Variants in RMRP observed in about 807,000 individuals in gnomAD.
RMRP encodes the protein RNA component of mitochondrial RNA processing endoribonuclease, also known as RNase MRP RNA.
upstream of RMRP, chr9:35,658,017 C>CCACGTCCTCAG: frequency 1.4e-6 from 1 of 690,390 alleles, no homozygotes; most frequent in Non-Finnish European, 2.7e-6. Context: ...TCAGCACGAA[C>CCACGTCCTCAG]CACGTCCTCA....
chr9:35,657,995 G>C lies in RMRP; in HGVS notation n.23C>G, dbSNP rs1345823900. ...AACAGAGTCCTCAGTGTGTAGCCTAGGATACAGGCCTTCAGCACGAACCAC... is the reference window on the plus strand; with the variant it reads ...AACAGAGTCCTCAGTGTGTAGCCTACGATACAGGCCTTCAGCACGAACCAC... On this transcript the variant is annotated non_coding_transcript_exon_variant, in exon 1 of 1. Coordinates refer to ENST00000363046, the Ensembl canonical transcript of RMRP. 1.4e-6 allele frequency: 1 copy of C among 698,808 alleles called. No individual in the cohort carries two copies. 43.3% of individuals were successfully genotyped at this position (698,808 alleles called of 1,614,324 possible). A position where few individuals can be genotyped will look rare whatever the true frequency, so the allele number is the denominator to read the frequency against.
chr9:35,657,949 C>CG, exon 1 of RMRP: 1 of 700,438 alleles, frequency 1.4e-6, no homozygotes, highest in East Asian at 2.7e-5. Context: ...CGGGGACTTT[C>CG]CCCTAGGCGG....
At position 35,657,822 on chromosome 9, in the gene RMRP, T is replaced by A. The variant is rs773432147; in HGVS notation, n.196A>T. The A allele has an allele frequency of 1.6e-5, 11 of 692,774 alleles. No individual in the cohort carries two copies. Among genetic ancestry groups the A allele is most frequent in the Non-Finnish European group, 2.3e-5 (9 of 384,732 alleles). 42.9% of individuals were successfully genotyped at this position (692,774 alleles called of 1,614,324 possible). A position where few individuals can be genotyped will look rare whatever the true frequency, so the allele number is the denominator to read the frequency against. ...CACTGCCTGCGTAACTAGAGGGAGC[T>A]GACGGATGACGCCCCCGCGCCACGC... is the stretch of plus-strand genomic sequence containing the variant. On this transcript the variant is annotated non_coding_transcript_exon_variant, in exon 1 of 1. Transcript: ENST00000363046.
exon 1 of RMRP, chr9:35,657,947 T>G (rs1554651251): frequency 2.9e-6 from 2 of 700,316 alleles, no homozygotes; most frequent in Admixed American, 2.0e-5. Context: ...TCCGGGGACT[T>G]TCCCCTAGGC....
rs936059863 is a variant in RMRP at position 35,657,800 on chromosome 9, T to C, written n.218A>G. ...GTGTGGTTGGTGCGCGGACACGCACTGCCTGCGTAACTAGAGGGAGCTGAC... is the reference window on the plus strand; with the variant it reads ...GTGTGGTTGGTGCGCGGACACGCACCGCCTGCGTAACTAGAGGGAGCTGAC... On this transcript the variant is annotated non_coding_transcript_exon_variant, in exon 1 of 1. Coordinates refer to ENST00000363046, the Ensembl canonical transcript of RMRP. The C allele has an allele frequency of 5.1e-5, 36 of 699,954 alleles. No individual in the cohort carries two copies. The East Asian group carries it at 7.5e-4, about 15-fold the overall frequency. The allele number at this position is 699,954 out of a possible 1,614,324, so 43.4% of individuals were successfully genotyped here. A position where few individuals can be genotyped will look rare whatever the true frequency, so the allele number is the denominator to read the frequency against.
chr9:35,658,018 C>CACGTCCTCAGCTTCACAGAGTT (rs1554651397), upstream of RMRP: 2 of 690,120 alleles, frequency 2.9e-6, no homozygotes, highest in Non-Finnish European at 5.3e-6. Flanking sequence ...CAGCACGAAC[C>CACGTCCTCAGCTTCACAGAGTT]ACGTCCTCAG....
rs1435244601 is a variant in RMRP, at chr9:35,657,759, G to C, written n.259C>G. The C allele has an allele frequency of 1.3e-5, 9 of 687,310 alleles. No homozygotes were observed. The highest frequency in any genetic ancestry group is 5.3e-5 in the African/African-American group (3 of 56,966). The allele number at this position is 687,310 out of a possible 1,614,324, so 42.6% of individuals were successfully genotyped here. A position where few individuals can be genotyped will look rare whatever the true frequency, so the allele number is the denominator to read the frequency against. On this transcript the variant is annotated non_coding_transcript_exon_variant, in exon 1 of 1. Transcript: ENST00000363046. ...GGTCTCGGGAACAAAAAACAGCCGCGCTGAGAATGAGCCCCGTGTGGTTGG... is the reference window on the plus strand; with the variant it reads ...GGTCTCGGGAACAAAAAACAGCCGCCCTGAGAATGAGCCCCGTGTGGTTGG...
exon 1 of RMRP, chr9:35,657,809 A>AACTAG: frequency 1.4e-6 from 1 of 692,560 alleles, no homozygotes; most frequent in African/African-American, 2.0e-5. Context: ...CTGCCTGCGT[A>AACTAG]ACTAGAGGGA....
exon 1 of RMRP, chr9:35,658,016 A>C: frequency 2.9e-6 from 2 of 690,356 alleles, no homozygotes; most frequent in South Asian, 3.0e-5. Context: ...TTCAGCACGA[A>C]CCACGTCCTC....
chr9:35,657,797 C>A lies in RMRP; in HGVS notation n.221G>T, dbSNP rs924622406. The A allele has an allele frequency of 1.0e-5, 7 of 699,852 alleles. No individual in the cohort carries two copies. In the East Asian group the frequency reaches 1.1e-4, roughly 11 times the overall value. The allele number at this position is 699,852 out of a possible 1,614,324, so 43.4% of individuals were successfully genotyped here. A position where few individuals can be genotyped will look rare whatever the true frequency, so the allele number is the denominator to read the frequency against. On this transcript the variant is annotated non_coding_transcript_exon_variant, in exon 1 of 1. Transcript: ENST00000363046. The stretch of plus-strand genomic sequence containing the variant: ...CCCGTGTGGTTGGTGCGCGGACACG[C>A]ACTGCCTGCGTAACTAGAGGGAGCT...
exon 1 of RMRP, chr9:35,657,858 G>GT (rs1823611305): frequency 1.4e-6 from 1 of 700,354 alleles, no homozygotes; most frequent in African/African-American, 1.7e-5. Flanking sequence ...CGCTCAGCGG[G>GT]ATACGCTTCT....
chr9:35,657,907 G>T (rs1479610947), exon 1 of RMRP: 1 of 699,386 alleles, frequency 1.4e-6, no homozygotes. Context: ...ATGTCTACGT[G>T]CGTATGCACG....
chr9:35,657,923 C>A lies in RMRP; in HGVS notation n.95G>T, dbSNP rs970510851. 1 of 700,336 alleles carries A rather than the reference C, an allele frequency of 1.4e-6. No individual in the cohort carries two copies. Among genetic ancestry groups the A allele is most frequent in the Non-Finnish European group, 2.6e-6 (1 of 384,828 alleles). The allele number at this position is 700,336 out of a possible 1,614,324, so 43.4% of individuals were successfully genotyped here. On this transcript the variant is annotated non_coding_transcript_exon_variant, in exon 1 of 1. Transcript: ENST00000363046. ...TGTCTACGTGCGTATGCACGTGGCA[C>A]TCTCTGCCCGAGGTCCGGGGACTTT...
rs1303461251 is a variant in RMRP, at chr9:35,657,893, G to A, written n.125C>T. On this transcript the variant is annotated non_coding_transcript_exon_variant, in exon 1 of 1. Transcript: ENST00000363046. ...TTGGCGGACTTTGGAGTGGGAAGCG[G>A]GGAATGTCTACGTGCGTATGCACGT... 6 of 700,352 alleles carry A rather than the reference G, an allele frequency of 8.6e-6. No homozygotes were observed. Among genetic ancestry groups the A allele is most frequent in the East Asian group, 2.7e-5 (1 of 37,296 alleles). 43.4% of individuals were successfully genotyped at this position (700,352 alleles called of 1,614,324 possible).
chr9:35,657,879 T>G, exon 1 of RMRP: 1 of 694,698 alleles, frequency 1.4e-6, no homozygotes. Flanking sequence ...TGGCGGACTT[T>G]GGAGTGGGAA....
At position 35,657,870 on chromosome 9, in the gene RMRP, G is replaced by A. The variant is rs977992022; in HGVS notation, n.148C>T. ...CGCCGCTCAGCGGGATACGCTTCTT[G>A]GCGGACTTTGGAGTGGGAAGCGGGG... On this transcript the variant is annotated non_coding_transcript_exon_variant, in exon 1 of 1. Coordinates refer to ENST00000363046, the Ensembl canonical transcript of RMRP. 53 of 693,468 alleles carry A rather than the reference G, an allele frequency of 7.6e-5. No individual in the cohort carries two copies. Among genetic ancestry groups the A allele is most frequent in the African/African-American group, 1.4e-4 (7 of 51,326 alleles). The allele number at this position is 693,468 out of a possible 1,614,324, so 43.0% of individuals were successfully genotyped here. A position where few individuals can be genotyped will look rare whatever the true frequency, so the allele number is the denominator to read the frequency against.
chr9:35,657,831 A>C (rs1227147763), exon 1 of RMRP: 3 of 692,940 alleles, frequency 4.3e-6, no homozygotes, highest in Non-Finnish European at 2.6e-6. Context: ...CTGACGGATG[A>C]CGCCCCCGCG....
rs1587919053 is a variant in RMRP, at chr9:35,658,016, A to ACCACGTCCTCAGCTTCACAGAG, written n.1_2insCTCTGTGAAGCTGAGGACGTGG. ...CCTAGGATACAGGCCTTCAGCACGA[A>ACCACGTCCTCAGCTTCACAGAG]CCACGTCCTCAGCTTCACAGAGTAG... On this transcript the variant is annotated non_coding_transcript_exon_variant, in exon 1 of 1. Transcript: ENST00000363046. The ACCACGTCCTCAGCTTCACAGAG allele has an allele frequency of 1.4e-6, 1 of 690,474 alleles. No individual in the cohort carries two copies. Among genetic ancestry groups the ACCACGTCCTCAGCTTCACAGAG allele is most frequent in the Non-Finnish European group, 2.7e-6 (1 of 376,970 alleles). The allele number at this position is 690,474 out of a possible 1,614,324, so 42.8% of individuals were successfully genotyped here. A position where few individuals can be genotyped will look rare whatever the true frequency, so the allele number is the denominator to read the frequency against.
In RMRP at chr9:35,657,983, G is replaced by A. The variant is rs549085067; in HGVS notation, n.35C>T. The A allele has an allele frequency of 1.4e-5, 10 of 700,318 alleles. No individual in the cohort carries two copies. Among genetic ancestry groups the A allele is most frequent in the Non-Finnish European group, 1.8e-5 (7 of 384,808 alleles). 43.4% of individuals were successfully genotyped at this position (700,318 alleles called of 1,614,324 possible). On this transcript the variant is annotated non_coding_transcript_exon_variant, in exon 1 of 1. Transcript: ENST00000363046. ...GGAAAGGGGAGGAACAGAGTCCTCA[G>A]TGTGTAGCCTAGGATACAGGCCTTC...
Sources: allele counts gnomAD v4.1 joint callset, GRCh38; gene constraint gnomAD v4.1.1; transcripts MANE v1.5; gene names NCBI Gene and HGNC (gene_info 2026-07-23, HGNC 2026-07-21).